The following PCDHA4 variants were observed in gnomAD, a reference collection of about 807,000 sequenced individuals.
PCDHA4 encodes protocadherin alpha-4.
Under a neutral mutation model 61.4 loss-of-function variants are expected in PCDHA4, and 49 were observed. The observed-to-expected ratio is 0.80, with a 90% CI of 0.63 to 1.01. PCDHA4 has a LOEUF of 1.01. Among genes scored for constraint, PCDHA4 ranks in the 50% least tolerant of loss-of-function variants. The pLI, the probability that PCDHA4 is intolerant of heterozygous loss-of-function variation, is 0.00. For synonymous variants in PCDHA4, 590 were observed against 550.3 expected, an observed-to-expected ratio of 1.07 and a Z score of -1.01; for missense variants, 1,254 against 1,235.8, an observed-to-expected ratio of 1.01 and a Z score of -0.22.
chr5:140,875,386 C>G, intron 1 of PCDHA4: 1 of 1,465,972 alleles, frequency 6.8e-7, no homozygotes, highest in Non-Finnish European at 9.0e-7. Flanking sequence ...TATGTACTTA[C>G]AGAAAAGGGT....
chr5:140,956,885 T>A (rs1156888418), intron 1 of PCDHA4, among the ~76,000 whole-genome samples: 1 of 152,194 alleles, frequency 6.6e-6, no homozygotes, highest in Non-Finnish European at 1.5e-5. Flanking sequence ...TAGATATCAA[T>A]GAATGAATAT....
rs139974024 is a variant in PCDHA4 at position 140,967,301 on chromosome 5, G to A, written c.2386-11648G>A. 5.0e-5 allele frequency: 81 copies of A among 1,612,148 alleles called. No homozygotes were observed. In the African/African-American group the frequency reaches 9.1e-4, roughly 18 times the overall value. ...GAGTGCGCAGGACCCCGACGTGGGC[G>A]CCAACTCAGTACAGACCTACGAGCT... On this transcript the variant is annotated intron_variant, in intron 1 of 3. Coordinates refer to ENST00000530339, the MANE Select transcript of PCDHA4 (RefSeq NM_018907.4).
chr5:140,956,434 T>G (rs1554222427), intron 1 of PCDHA4, among the ~76,000 whole-genome samples: 1 of 152,236 alleles, frequency 6.6e-6, no homozygotes, highest in Non-Finnish European at 1.5e-5. Flanking sequence ...TTAGTTCTGC[T>G]TATGTGATGA....
rs2098418669 is a variant in PCDHA4 at position 141,010,882 on chromosome 5, G to C, written c.*945G>C. On this transcript the variant is annotated 3_prime_UTR_variant, in exon 4 of 4. Transcript: ENST00000530339. ...GTCTATAGCTATAAATCTTTAAAGAGAAATATGAATACAATTCCCCTAAAC... is the reference window on the plus strand; with the variant it reads ...GTCTATAGCTATAAATCTTTAAAGACAAATATGAATACAATTCCCCTAAAC... The C allele has an allele frequency of 6.5e-6, 1 of 153,674 alleles. No homozygotes were observed. The allele number at this position is 153,674 out of a possible 1,614,324, so 9.5% of individuals were successfully genotyped here.
At chr5:140,977,094 T>C (rs1291290436) in intron 1 of PCDHA4, among the ~76,000 whole-genome samples, 1 of 152,206 alleles carries the variant, frequency 6.6e-6, no homozygotes, top group Non-Finnish European at 1.5e-5. Context: ...AATGTGTCAT[T>C]GGGGAAGTGA....
At chr5:140,960,737 G>T (rs2095566221) in intron 1 of PCDHA4, among the ~76,000 whole-genome samples, 1 of 145,230 alleles carries the variant, frequency 6.9e-6, no homozygotes, top group South Asian at 2.2e-4. Context: ...CATGATTTTA[G>T]TCCATGGCTA....
At chr5:140,874,625 T>C (rs1342932675) in intron 1 of PCDHA4, among the ~76,000 whole-genome samples, 3 of 152,238 alleles carry the variant, frequency 2.0e-5, no homozygotes, top group Admixed American at 6.5e-5. Flanking sequence ...ACATTTTACA[T>C]TAAAGTGCTT....
At chr5:141,001,451 A>T (rs2098018648) in intron 3 of PCDHA4, among the ~76,000 whole-genome samples, 1 of 152,310 alleles carries the variant, frequency 6.6e-6, no homozygotes, top group African/African-American at 2.4e-5. Flanking sequence ...TTCCACTGTC[A>T]ATTGAAGGAC....
At chr5:140,850,122 C>T in intron 1 of PCDHA4, 2 of 1,595,914 alleles carry the variant, frequency 1.3e-6, no homozygotes, top group Non-Finnish European at 1.7e-6. Context: ...CGCGGGCGTG[C>T]CGCCTCTGGG....
chr5:140,869,541 G>A (rs1554163213), intron 1 of PCDHA4: 1 of 1,614,204 alleles, frequency 6.2e-7, no homozygotes, highest in East Asian at 2.2e-5. Flanking sequence ...CGGAATCTAA[G>A]CAATCGGACT....
intron 1 of PCDHA4, among the ~76,000 whole-genome samples, chr5:140,898,600 G>A (rs2066865388): frequency 6.6e-6 from 1 of 152,184 alleles, no homozygotes; most frequent in Non-Finnish European, 1.5e-5. Context: ...TAGCCTTGTA[G>A]TATAGTTTGA....
At chr5:140,930,842 T>C (rs183476886) in intron 1 of PCDHA4, among the ~76,000 whole-genome samples, 1 of 152,338 alleles carries the variant, frequency 6.6e-6, no homozygotes, top group Admixed American at 6.5e-5. Flanking sequence ...TGAATAAATA[T>C]GTGCATATAT....
chr5:140,822,884 T>A (rs2150120043), intron 1 of PCDHA4: 1 of 1,614,242 alleles, frequency 6.2e-7, no homozygotes, highest in Admixed American at 1.7e-5. Context: ...GTCATTGCTC[T>A]GATCAGCGTG....
chr5:140,825,415 A>T (rs1768562356), intron 1 of PCDHA4: 1 of 146,776 alleles, frequency 6.8e-6, no homozygotes. Flanking sequence ...TATTTTATAT[A>T]ATATATATAA....
At position 140,822,042 on chromosome 5, in the gene PCDHA4, C is replaced by T. The variant is rs148967528; in HGVS notation, c.2385+12470C>T. The T allele has an allele frequency of 2.2e-3, 3,471 of 1,614,176 alleles. 3 individuals carry two copies. The highest frequency in any genetic ancestry group is 2.7e-3 in the Non-Finnish European group (3,163 of 1,180,044). ...GCATTTTGTTTGTGAATTCTCGGATCGACCGGGAGGAGCTGTGCCGGCGGA... is the reference window on the plus strand; with the variant it reads ...GCATTTTGTTTGTGAATTCTCGGATTGACCGGGAGGAGCTGTGCCGGCGGA... On this transcript the variant is annotated intron_variant, in intron 1 of 3. Coordinates refer to ENST00000530339, the MANE Select transcript of PCDHA4 (RefSeq NM_018907.4).
At chr5:140,967,749 C>T (rs1554229896) in intron 1 of PCDHA4, 1 of 1,614,172 alleles carries the variant, frequency 6.2e-7, no homozygotes, top group African/African-American at 1.3e-5. Context: ...TATGAGGAAG[C>T]CTCCTCCTAC....
At chr5:140,843,342 A>G (rs2150357887) in intron 1 of PCDHA4, 1 of 1,596,056 alleles carries the variant, frequency 6.3e-7, no homozygotes, top group South Asian at 1.1e-5. Flanking sequence ...GAGAGCGGCC[A>G]GGCTCCAAAA....
At chr5:140,966,789 C>T (rs782194817) in intron 1 of PCDHA4, 3 of 1,528,688 alleles carry the variant, frequency 2.0e-6, no homozygotes, top group Non-Finnish European at 2.6e-6. Flanking sequence ...GGCACCAGAC[C>T]TGCGGCGACA....
Position 140,875,735 on chromosome 5 carries a change from C to G in PCDHA4, c.2385+66163C>G, listed in dbSNP as rs376701509. ...CAGAATGGCATTTTGTTTGTGAATT[C>G]TCGGATCGACCGCGAGAAGCTGTGC... is the stretch of plus-strand genomic sequence containing the variant. On this transcript the variant is annotated intron_variant, in intron 1 of 3. Coordinates refer to ENST00000530339, the MANE Select transcript of PCDHA4 (RefSeq NM_018907.4). The G allele has an allele frequency of 5.0e-5, 80 of 1,614,232 alleles. No individual in the cohort carries two copies. The South Asian group carries it at 5.4e-4, about 11-fold the overall frequency.
Sources: allele counts gnomAD v4.1 joint callset (sites outside exome capture counted in the v4.1 genomes callset), GRCh38; gene constraint gnomAD v4.1.1; transcripts MANE v1.5; gene names NCBI Gene and HGNC (gene_info 2026-07-23, HGNC 2026-07-21).